The following ZNF26 variants were observed in gnomAD, a reference collection of about 807,000 sequenced individuals.
The protein encoded by ZNF26 is epididymis luminal protein 179.
In ZNF26, 32 loss-of-function variants were observed where a neutral mutation model predicts 54.9. That is an observed-to-expected ratio of 0.58 (90% CI 0.44 to 0.78). ZNF26 has a LOEUF of 0.78. Ranked by LOEUF, ZNF26 falls within the 30% of genes least tolerant of loss-of-function variation. The pLI is 0.00. For missense variants in ZNF26, 524 were observed against 634.0 expected (o/e 0.83, Z 1.86); for synonymous variants, 221 against 209.2 (o/e 1.06, Z -0.49).
At chr12:133,008,505 G>A (rs992743184) in intron 3 of ZNF26, among the ~76,000 whole-genome samples, 8 of 152,064 alleles carry the variant, frequency 5.3e-5, no homozygotes, top group African/African-American at 1.7e-4. Context: ...GGCTGGGCAC[G>A]GTGGCTCATG....
At chr12:132,987,883 C>A in intron 1 of ZNF26, 1 of 212,034 alleles carries the variant, frequency 4.7e-6, no homozygotes, top group Non-Finnish European at 8.1e-6. Flanking sequence ...GTTCCTTTGT[C>A]AGAGATCAGT....
chr12:133,025,086 TGGA>T lies in ZNF26; in HGVS notation c.*13610_*13612del, dbSNP rs1309622836. On this transcript the variant is annotated 3_prime_UTR_variant, in exon 4 of 4. Coordinates refer to ENST00000328654, the MANE Select transcript of ZNF26 (RefSeq NM_019591.4). ...ATCCAGAGGGTAGAGCAAAGAGCCATGGAGGAGAAGTCCAAGAAAGCAGAACCA... is the reference window on the plus strand; with the variant it reads ...ATCCAGAGGGTAGAGCAAAGAGCCATGGAGAAGTCCAAGAAAGCAGAACCA... 1 of 152,194 alleles carries T rather than the reference TGGA, an allele frequency of 6.6e-6. No homozygotes were observed. Among genetic ancestry groups the T allele is most frequent in the African/African-American group, 2.4e-5 (1 of 41,428 alleles). The allele number at this position is 152,194 out of a possible 1,614,324, so 9.4% of individuals were successfully genotyped here.
Position 133,011,173 on chromosome 12 carries a change from G to A in ZNF26, c.1294G>A (p.Glu432Lys), listed in dbSNP as rs1953464553. The A allele has an allele frequency of 1.9e-6, 3 of 1,614,146 alleles. No individual in the cohort carries two copies. The South Asian group carries it at 3.3e-5, about 18-fold the overall frequency. Reference sequence around the variant, plus strand: ...GAGACCCTATGAATGTAGTTTGTGTGAGAGAGCCTTTTGTGGAAAATCACA... The same window carrying A: ...GAGACCCTATGAATGTAGTTTGTGTAAGAGAGCCTTTTGTGGAAAATCACA... Reference protein sequence around the residue: ...GERPYECSLCERAFCGKSQLI... With the variant: ...GERPYECSLCKRAFCGKSQLI... Residue 432 changes from glutamate to lysine, a missense_variant, in exon 4 of 4, where the codon GAG becomes AAG. Transcript: ENST00000328654.
intron 1 of ZNF26, among the ~76,000 whole-genome samples, chr12:132,989,795 A>G (rs1443155522): frequency 2.0e-5 from 3 of 152,180 alleles, no homozygotes; most frequent in Non-Finnish European, 4.4e-5. Flanking sequence ...CAATGTTGAA[A>G]AAGAGTGGTG....
Position 133,011,154 on chromosome 12 carries a change from C to T in ZNF26, c.1275C>T (p.Pro425=). 1 of 1,613,888 alleles carries T rather than the reference C, an allele frequency of 6.2e-7. No homozygotes were observed. The highest frequency in any genetic ancestry group is 1.1e-5 in the South Asian group (1 of 91,046). ...IHRRTHTGER[P]YECSLCERAF... ...GGAGAACACACACCGGAGAGAGACC[C>T]TATGAATGTAGTTTGTGTGAGAGAG... Residue 425 remains proline (P), a synonymous_variant, in exon 4 of 4, where the codon CCC becomes CCT. Transcript: ENST00000328654.
chr12:133,002,543 C>T (rs1382365352), intron 1 of ZNF26, among the ~76,000 whole-genome samples: 14 of 152,094 alleles, frequency 9.2e-5, no homozygotes, highest in African/African-American at 3.4e-4. Flanking sequence ...GAGAGCTGCC[C>T]TGATCACCGT....
At chr12:132,992,515 T>G (rs1952985827) in intron 1 of ZNF26, among the ~76,000 whole-genome samples, 1 of 152,230 alleles carries the variant, frequency 6.6e-6, no homozygotes, top group Non-Finnish European at 1.5e-5. Context: ...TGTCTGACAT[T>G]ACTTCAGCGA....
intron 1 of ZNF26, among the ~76,000 whole-genome samples, chr12:132,992,591 T>G (rs1190473677): frequency 6.6e-6 from 1 of 152,246 alleles, no homozygotes; most frequent in African/African-American, 2.4e-5. Flanking sequence ...TACATCCTGA[T>G]AAACTCATCA....
In ZNF26 at chr12:133,022,467, T is replaced by C. The variant is rs1383215664; in HGVS notation, c.*10986T>C. The C allele has an allele frequency of 2.5e-5, 1 of 39,602 alleles. No homozygotes were observed. The highest frequency in any genetic ancestry group is 5.8e-5 in the African/African-American group (1 of 17,140). The allele number at this position is 39,602 out of a possible 1,614,324, so 2.5% of individuals were successfully genotyped here. A position where few individuals can be genotyped will look rare whatever the true frequency, so the allele number is the denominator to read the frequency against. ...CACTGGTGATAACATTGAACAGAAC[T>C]TAATATACACACATACAAAGTATAA... On this transcript the variant is annotated 3_prime_UTR_variant, in exon 4 of 4. Transcript: ENST00000328654.
chr12:132,988,409 ATTTT>A (rs878891399), intron 1 of ZNF26, among the ~76,000 whole-genome samples: 1 of 147,532 alleles, frequency 6.8e-6, no homozygotes, highest in Admixed American at 6.8e-5. Flanking sequence ...CTAATTAAAA[ATTTT>A]TTTTTTTTTT....
intron 3 of ZNF26, among the ~76,000 whole-genome samples, chr12:133,009,453 A>G (rs1953420468): frequency 1.3e-5 from 2 of 152,128 alleles, no homozygotes; most frequent in Admixed American, 6.6e-5. Flanking sequence ...TTAGCTGGGC[A>G]TGATGGCATG....
intron 1 of ZNF26, among the ~76,000 whole-genome samples, chr12:132,998,564 C>T (rs1350803363): frequency 2.0e-5 from 3 of 152,152 alleles, no homozygotes; most frequent in African/African-American, 2.4e-5. Flanking sequence ...GCTTGTAACA[C>T]CTGTATGAAT....
intron 1 of ZNF26, among the ~76,000 whole-genome samples, chr12:133,002,662 C>CCA (rs1403720573): frequency 6.6e-6 from 1 of 151,796 alleles, no homozygotes; most frequent in African/African-American, 2.4e-5. Context: ...TCTTCTGTGT[C>CCA]GCCCAGGCTG....
rs907260451 is a variant in ZNF26 at position 132,990,889 on chromosome 12, C to T, written c.33+4016C>T. Among the ~76,000 whole-genome samples, 5 of 152,038 alleles carry T rather than the reference C, an allele frequency of 3.3e-5. No homozygotes were observed. The East Asian group carries it at 9.8e-4, about 30-fold the overall frequency. On this transcript the variant is annotated intron_variant, in intron 1 of 3. Transcript: ENST00000328654. Reference sequence around the variant, plus strand: ...TCTTTTTATTTTTTTGATAGAGTCTCACTCTGTCACCCAGGCTGGAGTGCA... The same window carrying T: ...TCTTTTTATTTTTTTGATAGAGTCTTACTCTGTCACCCAGGCTGGAGTGCA...
Position 133,001,532 on chromosome 12 carries a change from C to T in ZNF26, c.34-5510C>T. The T allele has an allele frequency of 1.7e-6, 1 of 590,240 alleles. No individual in the cohort carries two copies. The highest frequency in any genetic ancestry group is 2.7e-6 in the Non-Finnish European group (1 of 374,972). 36.6% of individuals were successfully genotyped at this position (590,240 alleles called of 1,614,324 possible). A position where few individuals can be genotyped will look rare whatever the true frequency, so the allele number is the denominator to read the frequency against. Reference sequence around the variant, plus strand: ...GGTTGGAGCCTCTGACAGGGCTCTGCCCTGCAGTTCCATGGTGTATGTGAT... The same window carrying T: ...GGTTGGAGCCTCTGACAGGGCTCTGTCCTGCAGTTCCATGGTGTATGTGAT... On this transcript the variant is annotated intron_variant, in intron 1 of 3. Transcript: ENST00000328654. The surrounding 1 kb of genome is among the most constrained non-coding windows in gnomAD (Gnocchi z 4.7).
Position 133,010,707 on chromosome 12 carries a change from C to T in ZNF26, c.828C>T (p.His276=), listed in dbSNP as rs1219230868. The part of the protein sequence containing the change: ...AYSWKSQLLL[H]QRSHTGVKPY... The stretch of plus-strand genomic sequence containing the variant: ...GTTGGAAATCACAGCTTCTTTTACA[C>T]CAGAGAAGTCACACAGGAGTGAAAC... Residue 276 remains histidine, a synonymous_variant, in exon 4 of 4, where the codon CAC becomes CAT. Coordinates refer to ENST00000328654, the MANE Select transcript of ZNF26 (RefSeq NM_019591.4). 201 of 1,612,916 alleles carry T rather than the reference C, an allele frequency of 1.2e-4. No individual in the cohort carries two copies. Among genetic ancestry groups the T allele is most frequent in the Non-Finnish European group, 1.5e-4 (178 of 1,179,580 alleles).
rs1262845215 is a variant in ZNF26, at chr12:133,019,061, A to G, written c.*7580A>G. The G allele has an allele frequency of 6.6e-6, 1 of 152,224 alleles. No homozygotes were observed. Among genetic ancestry groups the G allele is most frequent in the South Asian group, 2.1e-4 (1 of 4,834 alleles). The allele number at this position is 152,224 out of a possible 1,614,324, so 9.4% of individuals were successfully genotyped here. ...GATATAAAACGCAAACAGCAACCAT[A>G]ATAAATCTCCAGTGGCTTTCTAATA... On this transcript the variant is annotated 3_prime_UTR_variant, in exon 4 of 4. Transcript: ENST00000328654.
chr12:133,006,065 G>A, intron 1 of ZNF26: 1 of 985,068 alleles, frequency 1.0e-6, no homozygotes, highest in Non-Finnish European at 1.2e-6. Context: ...AGATTTGCCA[G>A]TTTTTCAGTT....
At position 133,019,927 on chromosome 12, in the gene ZNF26, C is replaced by T. The variant is rs1953617117; in HGVS notation, c.*8446C>T. 1.3e-5 allele frequency: 2 copies of T among 152,196 alleles called. No homozygotes were observed. Among genetic ancestry groups the T allele is most frequent in the Non-Finnish European group, 2.9e-5 (2 of 68,100 alleles). 9.4% of individuals were successfully genotyped at this position (152,196 alleles called of 1,614,324 possible). A position where few individuals can be genotyped will look rare whatever the true frequency, so the allele number is the denominator to read the frequency against. ...CTTCACCAGCCTGGTGAAACCCCGT[C>T]TCTACTAAAAATACAAAAGTTAGCG... On this transcript the variant is annotated 3_prime_UTR_variant, in exon 4 of 4. Coordinates refer to ENST00000328654, the MANE Select transcript of ZNF26 (RefSeq NM_019591.4).
Sources: allele counts gnomAD v4.1 joint callset (sites outside exome capture counted in the v4.1 genomes callset), GRCh38; gene constraint gnomAD v4.1.1; non-coding constraint Gnocchi (gnomAD v3.1); transcripts MANE v1.5; gene names NCBI Gene and HGNC (gene_info 2026-07-23, HGNC 2026-07-21).